PAK3: variants seen among roughly 807,000 people sequenced by gnomAD.
The protein encoded by PAK3 is serine/threonine-protein kinase PAK 3.
In PAK3, 4 loss-of-function variants were observed where a neutral mutation model predicts 41.0. The observed-to-expected ratio is 0.10, with a 90% CI of 0.05 to 0.22. The LOEUF (loss-of-function observed/expected upper bound fraction) is 0.22. PAK3 is among the 10% of genes least tolerant of loss of function. The pLI is 1.00. For missense variants in PAK3, 205 were observed against 409.9 expected, an observed-to-expected ratio of 0.50 and a Z score of 4.32; for synonymous variants, 146 against 139.6, an observed-to-expected ratio of 1.05 and a Z score of -0.32.
At chrX:111,099,804 G>A (rs2093090954) in intron 3 of PAK3, among the ~76,000 whole-genome samples, 1 of 103,083 alleles carries the variant, frequency 9.7e-6, no homozygotes, top group Non-Finnish European at 2.0e-5. Flanking sequence ...CCCTCTCTAG[G>A]CCTCAGTTTC....
At chrX:111,174,297 C>T (rs764883242) in intron 11 of PAK3, among the ~76,000 whole-genome samples, 55 of 110,865 alleles carry the variant, frequency 5.0e-4, no homozygotes, top group Middle Eastern at 4.6e-3. Context: ...ATTCATTAGA[C>T]GTTTGGGCTA....
intron 1 of PAK3, among the ~76,000 whole-genome samples, chrX:111,051,922 T>A (rs2092562528): frequency 8.9e-6 from 1 of 112,317 alleles, no homozygotes; most frequent in African/African-American, 3.2e-5. Context: ...GAATGGTTGA[T>A]CTTCCAAAAA....
Position 110,978,027 on chromosome X carries a change from G to A in PAK3, c.-28+33399G>A, listed in dbSNP as rs371304563. Among the ~76,000 whole-genome samples the A allele has an allele frequency of 4.7e-3, 526 of 111,990 alleles. 3 individuals carry two copies. The highest frequency in any genetic ancestry group is 0.016 in the African/African-American group (502 of 30,863). Reference sequence around the variant, plus strand: ...TGACGTTAGCTGTGGGTTTTTCATAGATGCTCTTTACCACGTTGATGAATT... The same window carrying A: ...TGACGTTAGCTGTGGGTTTTTCATAAATGCTCTTTACCACGTTGATGAATT... On this transcript the variant is annotated intron_variant, in intron 1 of 14. Coordinates refer to the PAK3 transcript ENST00000425146.
intron 1 of PAK3, among the ~76,000 whole-genome samples, chrX:111,023,258 A>G (rs1231763035): frequency 8.9e-6 from 1 of 112,011 alleles, no homozygotes; most frequent in Non-Finnish European, 1.9e-5. Context: ...TCCATGGTGT[A>G]TATGTACCAC....
chrX:111,041,726 C>A (rs2092454247), intron 1 of PAK3, among the ~76,000 whole-genome samples: 1 of 110,706 alleles, frequency 9.0e-6, no homozygotes, highest in Non-Finnish European at 1.9e-5. Flanking sequence ...CTTCCTGATA[C>A]CATCGCCCAT....
At chrX:111,058,355 T>C (rs765141719) in intron 1 of PAK3, among the ~76,000 whole-genome samples, 74 of 112,090 alleles carry the variant, frequency 6.6e-4, no homozygotes, top group Non-Finnish European at 1.1e-3. Context: ...TTGTCTATTT[T>C]TTTGTGTGTG....
chrX:111,212,975 G>A (rs2094837606), intron 16 of PAK3, among the ~76,000 whole-genome samples: 1 of 111,982 alleles, frequency 8.9e-6, no homozygotes, highest in Non-Finnish European at 1.9e-5. Flanking sequence ...AGTAATTATG[G>A]TGCATCGACA....
intron 5 of PAK3, among the ~76,000 whole-genome samples, chrX:111,138,298 C>T (rs1164390271): frequency 1.8e-5 from 2 of 110,979 alleles, no homozygotes; most frequent in African/African-American, 6.6e-5. Context: ...GTGTCCCATT[C>T]GTGATAGCTA....
intron 1 of PAK3, among the ~76,000 whole-genome samples, chrX:110,971,293 A>G (rs1354673909): frequency 8.9e-6 from 1 of 112,202 alleles, no homozygotes; most frequent in Non-Finnish European, 1.9e-5. Context: ...GTTGGTCTCT[A>G]TAGATTTTTC....
intron 16 of PAK3, among the ~76,000 whole-genome samples, chrX:111,210,313 C>CT (rs911939623): frequency 2.7e-5 from 3 of 111,444 alleles, no homozygotes; most frequent in African/African-American, 9.8e-5. Flanking sequence ...CCAGAGAACA[C>CT]TTTTTTTCTT....
At position 111,222,808 on chromosome X, in the gene PAK3, C is replaced by A. The variant is rs946509109; in HGVS notation, c.*2361C>A. 1 of 110,715 alleles carries A rather than the reference C, an allele frequency of 9.0e-6. No individual in the cohort carries two copies. Among genetic ancestry groups the A allele is most frequent in the Non-Finnish European group, 1.9e-5 (1 of 52,881 alleles). 9.1% of individuals were successfully genotyped at this position (110,715 alleles called of 1,213,427 possible). A position where few individuals can be genotyped will look rare whatever the true frequency, so the allele number is the denominator to read the frequency against. On this transcript the variant is annotated 3_prime_UTR_variant, in exon 18 of 18. Coordinates refer to ENST00000372007, the MANE Select transcript of PAK3 (RefSeq NM_002578.5). ...ACCTTGGAGCAGTGACCCTTCAGAT[C>A]ACTGTAGGCAGAGAAATGGCTTCTC...
intron 1 of PAK3, among the ~76,000 whole-genome samples, chrX:111,003,194 C>T (rs1275626097): frequency 4.5e-5 from 5 of 112,036 alleles, no homozygotes; most frequent in Non-Finnish European, 7.5e-5. Flanking sequence ...CGAGCCACAC[C>T]TGCAGCACAG....
chrX:111,029,172 C>T (rs534652924), intron 1 of PAK3, among the ~76,000 whole-genome samples: 12 of 111,616 alleles, frequency 1.1e-4, no homozygotes, highest in South Asian at 7.7e-4. Context: ...AAAGAAATAA[C>T]GGCCTCTACC....
chrX:110,947,602 G>T (rs1175005322), intron 1 of PAK3, among the ~76,000 whole-genome samples: 1 of 111,919 alleles, frequency 8.9e-6, no homozygotes, highest in Non-Finnish European at 1.9e-5. Context: ...ACATAAACAG[G>T]TTTCTTTCCT....
chrX:111,108,649 C>T (rs926759988), intron 4 of PAK3, among the ~76,000 whole-genome samples: 4 of 112,516 alleles, frequency 3.6e-5, no homozygotes, highest in Non-Finnish European at 7.5e-5. Context: ...TCCAAAACCA[C>T]CCCATTGCCC....
At chrX:110,967,907 A>G (rs188485710) in intron 1 of PAK3, among the ~76,000 whole-genome samples, 66 of 111,854 alleles carry the variant, frequency 5.9e-4, no homozygotes, top group East Asian at 5.1e-3. Flanking sequence ...TTGTGTGTCC[A>G]ACAACACAGT....
intron 1 of PAK3, among the ~76,000 whole-genome samples, chrX:110,945,465 C>A (rs1481014711): frequency 8.9e-6 from 1 of 111,754 alleles, no homozygotes; most frequent in African/African-American, 3.3e-5. Context: ...CCAGGTTGAC[C>A]AAGCCCTACC....
At chrX:111,052,050 G>A (rs888950913) in intron 1 of PAK3, among the ~76,000 whole-genome samples, 1 of 112,199 alleles carries the variant, frequency 8.9e-6, no homozygotes, top group Admixed American at 9.5e-5. Flanking sequence ...CAGTTGGCCT[G>A]TGAGGAGGAC....
chrX:111,214,059 TG>T (rs1270138959), intron 16 of PAK3, among the ~76,000 whole-genome samples: 1 of 111,394 alleles, frequency 9.0e-6, no homozygotes, highest in African/African-American at 3.3e-5. Context: ...GAAAGGAAGA[TG>T]TTCATTTCGT....
Sources: allele counts gnomAD v4.1 joint callset (sites outside exome capture counted in the v4.1 genomes callset), GRCh38; gene constraint gnomAD v4.1.1; transcripts MANE v1.5; gene names NCBI Gene and HGNC (gene_info 2026-07-23, HGNC 2026-07-21).